The following CTIF variants were observed in gnomAD, a reference collection of about 807,000 sequenced individuals.
CTIF encodes cap binding complex dependent translation initiation factor.
A neutral mutation model predicts 66.0 loss-of-function variants in CTIF; 21 were observed. The ratio of observed to expected loss-of-function variants is 0.32; its 90% CI spans 0.23 to 0.46. The LOEUF is 0.46. Ranked by LOEUF, CTIF falls within the 20% of genes least tolerant of loss-of-function variation. The pLI, the probability that CTIF is intolerant of heterozygous loss-of-function variation, is 1.00. For synonymous variants in CTIF, 345 were observed against 326.4 expected (o/e 1.06, Z -0.62); for missense variants, 739 against 812.7 (o/e 0.91, Z 1.10).
At chr18:48,562,071 AT>A (rs562370844) in intron 1 of CTIF, among the ~76,000 whole-genome samples, 146 of 152,344 alleles carry the variant, frequency 9.6e-4, no homozygotes, top group South Asian at 2.1e-3. Flanking sequence ...CTCACCCCTG[AT>A]CTAAAACAAT....
At chr18:48,854,833 GGATT>G (rs1250132161) in intron 10 of CTIF, among the ~76,000 whole-genome samples, 6 of 152,310 alleles carry the variant, frequency 3.9e-5, no homozygotes, top group African/African-American at 1.4e-4. Flanking sequence ...TGAGGACAGA[GGATT>G]GCTCGAGCCT....
In CTIF at chr18:48,575,991, T is replaced by C. The variant is rs558476578; in HGVS notation, c.-29+36679T>C. Among the ~76,000 whole-genome samples the C allele has an allele frequency of 2.4e-4, 37 of 152,372 alleles. No individual in the cohort carries two copies. The East Asian group carries it at 4.8e-3, about 20-fold the overall frequency. On this transcript the variant is annotated intron_variant, in intron 1 of 11. Transcript: ENST00000256413. ...AGACCCACACATGCCAGGCAGGGCCTGTGCTGCAGAAACGTGCACTGTGGA... is the reference window on the plus strand; with the variant it reads ...AGACCCACACATGCCAGGCAGGGCCCGTGCTGCAGAAACGTGCACTGTGGA...
At chr18:48,548,406 C>T (rs1227097871) in intron 1 of CTIF, among the ~76,000 whole-genome samples, 1 of 152,244 alleles carries the variant, frequency 6.6e-6, no homozygotes, top group Non-Finnish European at 1.5e-5. Flanking sequence ...TGTTTACAAG[C>T]AAAGTATTTT....
chr18:48,576,800 C>T (rs1420062159), intron 1 of CTIF, among the ~76,000 whole-genome samples: 1 of 152,264 alleles, frequency 6.6e-6, no homozygotes, highest in Admixed American at 6.5e-5. Context: ...ATTCCCTATT[C>T]TCCTCCATTA....
chr18:48,741,274 GC>G lies in CTIF; in HGVS notation c.585-16640del, dbSNP rs759009342. On this transcript the variant is annotated intron_variant, in intron 7 of 11. Transcript: ENST00000256413. ...CCAGCCAGGGTCTGCTCTTTACTCT[GC>G]CCCCGCCCCCCCTCCTTGGTACATG... 2.5e-4 allele frequency among the ~76,000 whole-genome samples: 25 copies of G among 99,994 alleles called. 1 individual carries two copies. Among genetic ancestry groups the G allele is most frequent in the South Asian group, 3.7e-4 (1 of 2,696 alleles). 65.6% of individuals were successfully genotyped at this position (99,994 alleles called of 152,430 possible). A position where few individuals can be genotyped will look rare whatever the true frequency, so the allele number is the denominator to read the frequency against.
intron 1 of CTIF, among the ~76,000 whole-genome samples, chr18:48,595,608 G>A (rs1264025060): frequency 1.3e-5 from 2 of 151,970 alleles, no homozygotes; most frequent in African/African-American, 4.8e-5. Context: ...TTATTTTTTT[G>A]TAGGGTTGGG....
chr18:48,626,000 C>CTTTTCT (rs2090587164), intron 2 of CTIF, among the ~76,000 whole-genome samples: 1 of 109,174 alleles, frequency 9.2e-6, no homozygotes, highest in African/African-American at 3.9e-5. Context: ...CTTTTTCTTT[C>CTTTTCT]TTTTTTTTTT....
rs181447090 is a variant in CTIF at position 48,851,538 on chromosome 18, G to A, written c.1528-6050G>A. Among the ~76,000 whole-genome samples, 184 of 152,156 alleles carry A rather than the reference G, an allele frequency of 1.2e-3. 1 individual carries two copies. Among genetic ancestry groups the A allele is most frequent in the Non-Finnish European group, 7.2e-4 (49 of 67,992 alleles). On this transcript the variant is annotated intron_variant, in intron 10 of 11. Coordinates refer to ENST00000256413, the MANE Select transcript of CTIF (RefSeq NM_014772.3). ...TGCCTGGCAGGCCCTGGCTCTTCTCGAAATTTCTCATATTATTACTTCACT... is the reference window on the plus strand; with the variant it reads ...TGCCTGGCAGGCCCTGGCTCTTCTCAAAATTTCTCATATTATTACTTCACT...
chr18:48,737,651 A>C (rs2092515753), intron 7 of CTIF, among the ~76,000 whole-genome samples: 1 of 152,254 alleles, frequency 6.6e-6, no homozygotes, highest in South Asian at 2.1e-4. Context: ...AAGTATATGT[A>C]GTATGCTACT....
At chr18:48,794,830 A>T (rs529851042) in intron 9 of CTIF, among the ~76,000 whole-genome samples, 2 of 152,032 alleles carry the variant, frequency 1.3e-5, no homozygotes, top group African/African-American at 4.8e-5. Context: ...CTTTGTGTGT[A>T]TTGCATTCGA....
intron 3 of CTIF, among the ~76,000 whole-genome samples, chr18:48,660,010 T>C (rs2091314288): frequency 6.6e-6 from 1 of 151,326 alleles, no homozygotes; most frequent in African/African-American, 2.4e-5. Flanking sequence ...GTGACGTGTG[T>C]CGATTGTGTG....
chr18:48,541,028 G>C (rs891340442), intron 1 of CTIF, among the ~76,000 whole-genome samples: 5 of 152,170 alleles, frequency 3.3e-5, no homozygotes, highest in African/African-American at 1.2e-4. Context: ...GGTCCACCCG[G>C]CGGCGCGGGG....
intron 1 of CTIF, among the ~76,000 whole-genome samples, chr18:48,608,371 C>T (rs574411627): frequency 2.6e-5 from 4 of 152,254 alleles, no homozygotes; most frequent in African/African-American, 9.6e-5. Context: ...TTTAAAATAT[C>T]TAACTGGCTA....
intron 7 of CTIF, among the ~76,000 whole-genome samples, chr18:48,723,989 C>T (rs945605727): frequency 1.3e-5 from 2 of 152,192 alleles, no homozygotes; most frequent in African/African-American, 2.4e-5. Flanking sequence ...TTCCCAGAGG[C>T]GATGCCTGTA....
At chr18:48,704,320 G>A (rs913781126) in intron 6 of CTIF, among the ~76,000 whole-genome samples, 1 of 150,236 alleles carries the variant, frequency 6.7e-6, no homozygotes, top group African/African-American at 2.5e-5. Context: ...ATAAAAATGG[G>A]CTGGATATAC....
chr18:48,607,214 G>A (rs528826145), intron 1 of CTIF, among the ~76,000 whole-genome samples: 130 of 152,306 alleles, frequency 8.5e-4, no homozygotes, highest in African/African-American at 3.0e-3. Flanking sequence ...CAGGAATCAG[G>A]GGCCCTGGGC....
intron 1 of CTIF, chr18:48,567,024 C>G (rs2089295228): frequency 6.6e-6 from 1 of 152,180 alleles, no homozygotes; most frequent in South Asian, 2.1e-4. Context: ...CATTTATTCA[C>G]CAGATATTTT....
chr18:48,602,177 A>G (rs2090102309), intron 1 of CTIF, among the ~76,000 whole-genome samples: 1 of 152,248 alleles, frequency 6.6e-6, no homozygotes, highest in Non-Finnish European at 1.5e-5. Context: ...TGTATTGAGT[A>G]TGAATGTCGT....
intron 1 of CTIF, among the ~76,000 whole-genome samples, chr18:48,570,666 A>C (rs2089396372): frequency 6.6e-6 from 1 of 152,204 alleles, no homozygotes; most frequent in South Asian, 2.1e-4. Context: ...GAACAAAATC[A>C]AAAGTCGAAG....
Sources: gnomAD v4.1 joint callset for allele counts (sites outside exome capture counted in the v4.1 genomes callset) on GRCh38, gnomAD v4.1.1 for gene constraint, MANE v1.5 for transcripts, NCBI Gene and HGNC (gene_info 2026-07-23, HGNC 2026-07-21) for gene names.